TRIB2: variants seen among roughly 807,000 people sequenced by gnomAD.
TRIB2 encodes tribbles homolog 2.
In TRIB2, 2 loss-of-function variants were observed where a neutral mutation model predicts 26.8. That is an observed-to-expected ratio of 0.07 (90% CI 0.03 to 0.24). The LOEUF (loss-of-function observed/expected upper bound fraction) is 0.24. Ranked by LOEUF, TRIB2 falls within the 10% of genes least tolerant of loss-of-function variation. TRIB2 has a pLI of 1.00. For missense variants in TRIB2, 306 were observed against 449.0 expected, an observed-to-expected ratio of 0.68 and a Z score of 2.88; for synonymous variants, 189 against 187.3, an observed-to-expected ratio of 1.01 and a Z score of -0.08.
At chr2:12,737,451 T>G (rs1661606319) in intron 2 of TRIB2, 1 of 154,852 alleles carries the variant, frequency 6.5e-6, no homozygotes, top group African/African-American at 2.4e-5. Context: ...CCTCTGCCCC[T>G]TGGGTTTCAC....
At chr2:12,737,964 T>C (rs1395985304) in intron 2 of TRIB2, among the ~76,000 whole-genome samples, 1 of 152,196 alleles carries the variant, frequency 6.6e-6, no homozygotes, top group Non-Finnish European at 1.5e-5. Context: ...GAGCCTAGCC[T>C]GGAAACTGCC....
intron 2 of TRIB2, among the ~76,000 whole-genome samples, chr2:12,739,693 A>G (rs1661668394): frequency 6.6e-6 from 1 of 152,208 alleles, no homozygotes; most frequent in Non-Finnish European, 1.5e-5. Context: ...CAACTTAGGA[A>G]GATGTGGGAT....
In TRIB2 at chr2:12,718,602, T is replaced by A; in HGVS notation, c.270+25T>A. ...GGTAAAGGGCCAGTGGGTTGCTTTT[T>A]GTCTTTGGAAGGGGCCCGAGGGAGC... On this transcript the variant is annotated intron_variant, in intron 1 of 2. Coordinates refer to ENST00000155926, the MANE Select transcript of TRIB2 (RefSeq NM_021643.4). This position sits in a 1 kb window ranked among gnomAD's most constrained non-coding sequence, Gnocchi z 4.0. The A allele has an allele frequency of 6.2e-7, 1 of 1,602,644 alleles. No homozygotes were observed. The highest frequency in any genetic ancestry group is 8.5e-7 in the Non-Finnish European group (1 of 1,170,778).
rs1047036865 is a variant in TRIB2, at chr2:12,742,112, G to T, written c.*1318G>T. 31 of 152,604 alleles carry T rather than the reference G, an allele frequency of 2.0e-4. No individual in the cohort carries two copies. The highest frequency in any genetic ancestry group is 7.0e-4 in the African/African-American group (29 of 41,436). 9.5% of individuals were successfully genotyped at this position (152,604 alleles called of 1,614,324 possible). A position where few individuals can be genotyped will look rare whatever the true frequency, so the allele number is the denominator to read the frequency against. On this transcript the variant is annotated 3_prime_UTR_variant, in exon 3 of 3. Coordinates refer to ENST00000155926, the MANE Select transcript of TRIB2 (RefSeq NM_021643.4). ...TCCTTGTTTGAGTATTTCTGTCTCT[G>T]AAATAACCTTTTACTTGGCTTTTCT...
At position 12,740,200 on chromosome 2, in the gene TRIB2, G is replaced by T; in HGVS notation, c.564-126G>T. 1.1e-6 allele frequency: 1 copy of T among 935,158 alleles called. No homozygotes were observed. The allele number at this position is 935,158 out of a possible 1,614,324, so 57.9% of individuals were successfully genotyped here. A position where few individuals can be genotyped will look rare whatever the true frequency, so the allele number is the denominator to read the frequency against. ...GTGAGTAATGTTTGGCTGGTCAGAT[G>T]AATGCGTGAATGAATGAATGTGAAT... On this transcript the variant is annotated intron_variant, in intron 2 of 2. Coordinates refer to ENST00000155926, the MANE Select transcript of TRIB2 (RefSeq NM_021643.4). The surrounding 1 kb of genome is among the most constrained non-coding windows in gnomAD (Gnocchi z 5.8).
chr2:12,722,476 T>A (rs1661242081), intron 1 of TRIB2, among the ~76,000 whole-genome samples: 1 of 152,262 alleles, frequency 6.6e-6, no homozygotes, highest in Non-Finnish European at 1.5e-5. Context: ...TGTTAATTGC[T>A]GTTAGGTCTG....
chr2:12,726,340 C>A (rs1443506740), intron 2 of TRIB2, among the ~76,000 whole-genome samples: 2 of 152,222 alleles, frequency 1.3e-5, no homozygotes, highest in African/African-American at 4.8e-5. Flanking sequence ...CAATGTATTT[C>A]TCCTTCTCTG....
chr2:12,717,144 A>C lies in TRIB2; in HGVS notation c.-1164A>C. 1 of 377,906 alleles carries C rather than the reference A, an allele frequency of 2.6e-6. No individual in the cohort carries two copies. The highest frequency in any genetic ancestry group is 4.7e-6 in the Non-Finnish European group (1 of 213,818). The allele number at this position is 377,906 out of a possible 1,614,324, so 23.4% of individuals were successfully genotyped here. A position where few individuals can be genotyped will look rare whatever the true frequency, so the allele number is the denominator to read the frequency against. ...CTCTTTTCTCTGGGGGGGGCAAGCA[A>C]GAAATCAAAGAAGGAGGAGACAAGC... On this transcript the variant is annotated 5_prime_UTR_variant, in exon 1 of 3. Transcript: ENST00000155926. The surrounding 1 kb of genome is among the most constrained non-coding windows in gnomAD (Gnocchi z 4.8).
At chr2:12,738,636 C>A (rs1661638999) in intron 2 of TRIB2, among the ~76,000 whole-genome samples, 1 of 152,138 alleles carries the variant, frequency 6.6e-6, no homozygotes, top group South Asian at 2.1e-4. Context: ...GGGAAGGTAG[C>A]AATTCCTAAC....
chr2:12,724,796 A>G lies in TRIB2; in HGVS notation c.563+1244A>G, dbSNP rs534108777. The G allele has an allele frequency of 3.7e-5, 59 of 1,612,522 alleles. No homozygotes were observed. In the Admixed American group the frequency reaches 8.0e-4, roughly 22 times the overall value. On this transcript the variant is annotated intron_variant, in intron 2 of 2. Transcript: ENST00000155926. ...ATTGGCTCTAAGGTCTTTTCAATTA[A>G]TAATAAATTGGTGTATGTGCTTCTT...
chr2:12,738,516 T>C (rs2042567), intron 2 of TRIB2, among the ~76,000 whole-genome samples: 50,379 of 151,824 alleles, frequency 0.33, 10,147 homozygotes, highest in East Asian at 0.74. Flanking sequence ...CCTCCAGGGG[T>C]GTGATGATGG....
chr2:12,719,503 A>G (rs1408067285), intron 1 of TRIB2, among the ~76,000 whole-genome samples: 1 of 152,050 alleles, frequency 6.6e-6, no homozygotes, highest in Non-Finnish European at 1.5e-5. Context: ...AATAACTATA[A>G]TAGAGCATAC....
chr2:12,738,017 A>G (rs1355578678), intron 2 of TRIB2, among the ~76,000 whole-genome samples: 1 of 152,084 alleles, frequency 6.6e-6, no homozygotes, highest in Admixed American at 6.5e-5. Context: ...GACCACAACT[A>G]TTGTTTGTTC....
chr2:12,727,988 C>T (rs906698891), intron 2 of TRIB2, among the ~76,000 whole-genome samples: 2 of 152,150 alleles, frequency 1.3e-5, no homozygotes, highest in African/African-American at 2.4e-5. Context: ...CTTAGAAGCC[C>T]CATGTTTCAG....
At position 12,732,982 on chromosome 2, in the gene TRIB2, C is replaced by G. The variant is rs1468976422; in HGVS notation, c.564-7344C>G. ...TCCCTGCCAGGCCCACTTTGTCTGG[C>G]TGAACTCCCAGCTCAGCCCCACCCT... is the stretch of plus-strand genomic sequence containing the variant. On this transcript the variant is annotated intron_variant, in intron 2 of 2. Coordinates refer to ENST00000155926, the MANE Select transcript of TRIB2 (RefSeq NM_021643.4). This position sits in a 1 kb window ranked among gnomAD's most constrained non-coding sequence, Gnocchi z 4.2. Among the ~76,000 whole-genome samples, 1 of 152,222 alleles carries G rather than the reference C, an allele frequency of 6.6e-6. No individual in the cohort carries two copies. Among genetic ancestry groups the G allele is most frequent in the African/African-American group, 2.4e-5 (1 of 41,460 alleles).
Position 12,718,408 on chromosome 2 carries a change from A to T in TRIB2, c.101A>T (p.Glu34Val). Reference protein sequence around the residue: ...FEELSSIRSAEPSQSFSPNLG... With the variant: ...FEELSSIRSAVPSQSFSPNLG... ...GAGTTGTCGTCTATAAGGTCCGCGG[A>T]GCCCAGCCAGAGTTTCAGCCCGAAC... is the stretch of plus-strand genomic sequence containing the variant. The change falls in exon 1 of 3, where the codon GAG (glutamate) becomes GTG (valine). Residue 34 changes from glutamate (E) to valine (V), a missense_variant. Coordinates refer to ENST00000155926, the MANE Select transcript of TRIB2 (RefSeq NM_021643.4). This position sits in a 1 kb window ranked among gnomAD's most constrained non-coding sequence, Gnocchi z 4.0. The T allele has an allele frequency of 6.2e-7, 1 of 1,614,188 alleles. No homozygotes were observed. Among genetic ancestry groups the T allele is most frequent in the Non-Finnish European group, 8.5e-7 (1 of 1,180,030 alleles).
At chr2:12,726,724 G>A (rs1399942270) in intron 2 of TRIB2, among the ~76,000 whole-genome samples, 1 of 152,236 alleles carries the variant, frequency 6.6e-6, no homozygotes, top group East Asian at 1.9e-4. Flanking sequence ...TTCATCTTCT[G>A]ACCATCACAC....
chr2:12,723,073 C>T (rs1558315150), intron 1 of TRIB2, among the ~76,000 whole-genome samples, 187 bp from the exon 2 acceptor site: 1 of 149,294 alleles, frequency 6.7e-6, no homozygotes, highest in East Asian at 1.9e-4. Flanking sequence ...TTTGGAGGCT[C>T]CGAGAGGTTA....
In TRIB2 at chr2:12,740,409, C is replaced by T. The variant is rs1309398763; in HGVS notation, c.647C>T (p.Pro216Leu). The change falls in exon 3 of 3, where the codon CCG becomes CTG. Residue 216 changes from proline (P) to leucine (L), a missense_variant. Coordinates refer to ENST00000155926, the MANE Select transcript of TRIB2 (RefSeq NM_021643.4). The surrounding 1 kb of genome is among the most constrained non-coding windows in gnomAD (Gnocchi z 5.8). Reference sequence around the variant, plus strand: ...TCCCTCTCCGACAAGCATGGCTGCCCGGCTTACGTAAGCCCAGAGATCTTG... The same window carrying T: ...TCCCTCTCCGACAAGCATGGCTGCCTGGCTTACGTAAGCCCAGAGATCTTG... ...DDSLSDKHGC[P>L]AYVSPEILNT... The T allele has an allele frequency of 4.3e-6, 7 of 1,613,938 alleles. No homozygotes were observed. Among genetic ancestry groups the T allele is most frequent in the South Asian group, 1.1e-5 (1 of 91,082 alleles).
Sources: allele counts gnomAD v4.1 joint callset (sites outside exome capture counted in the v4.1 genomes callset), GRCh38; gene constraint gnomAD v4.1.1; non-coding constraint Gnocchi (gnomAD v3.1); transcripts MANE v1.5; gene names NCBI Gene and HGNC (gene_info 2026-07-23, HGNC 2026-07-21).